The following RPS6KL1 variants were observed in gnomAD, a reference collection of about 807,000 sequenced individuals.
RPS6KL1 encodes ribosomal protein S6 kinase-like 1.
A neutral mutation model predicts 57.0 loss-of-function variants in RPS6KL1; 41 were observed. The ratio of observed to expected loss-of-function variants is 0.72; its 90% CI spans 0.56 to 0.93. The LOEUF (loss-of-function observed/expected upper bound fraction) is 0.93, where lower values mean the gene tolerates loss of function less well. RPS6KL1 is among the 40% of genes least tolerant of loss of function. The pLI is 0.00. For synonymous variants in RPS6KL1, 287 were observed against 309.7 expected, an observed-to-expected ratio of 0.93 and a Z score of 0.77; for missense variants, 697 against 727.7, an observed-to-expected ratio of 0.96 and a Z score of 0.49.
At chr14:74,911,536 A>C in intron 6 of RPS6KL1, 156 bp from the exon 7 acceptor site, 1 of 848,398 alleles carries the variant, frequency 1.2e-6, no homozygotes, top group Non-Finnish European at 1.8e-6. Flanking sequence ...GCCCCTGTAG[A>C]ATCTGGGTCC....
chr14:74,918,662 T>C, intron 4 of RPS6KL1, 57 bp from the exon 5 acceptor site: 9 of 1,355,264 alleles, frequency 6.6e-6, no homozygotes, highest in Admixed American at 6.2e-5. Context: ...TCCTTGGCCA[T>C]GGCCTTCTCA....
rs772799014 is a variant in RPS6KL1 at position 74,921,496 on chromosome 14, G to C, written c.46C>G (p.Pro16Ala). ...GACCGTGCTCGTGAGCAAGGCTCAGGCTCCAGGCCGGGGCTGGGCAGGCAC... is the reference window on the plus strand; with the variant it reads ...GACCGTGCTCGTGAGCAAGGCTCAGCCTCCAGGCCGGGGCTGGGCAGGCAC... ...CECLPSPGLE[P>A]EPCSRARSQA... Residue 16 changes from proline (P) to alanine (A), a missense_variant, in exon 3 of 12, where the codon CCT becomes GCT. Physicochemically the swap from Pro to Ala is conservative, Grantham distance 27. Coordinates refer to ENST00000557413, the MANE Select transcript of RPS6KL1 (RefSeq NM_031464.5). 30 of 1,613,956 alleles carry C rather than the reference G, an allele frequency of 1.9e-5. No individual in the cohort carries two copies. The highest frequency in any genetic ancestry group is 4.0e-5 in the African/African-American group (3 of 74,950).
In RPS6KL1 at chr14:74,909,500, C is replaced by T. The variant is rs369432035; in HGVS notation, c.1270+43G>A. The T allele has an allele frequency of 3.9e-5, 60 of 1,542,450 alleles. No homozygotes were observed. In the African/African-American group the frequency reaches 4.4e-4, roughly 11 times the overall value. On this transcript the variant is annotated intron_variant, in intron 8 of 11. Coordinates refer to ENST00000557413, the MANE Select transcript of RPS6KL1 (RefSeq NM_031464.5). ...GGGGATCTCTCGTCCTCTGCCTGGA[C>T]GCTTTGGGGGCCACCCCACTGAGGG...
rs1394077352 is a variant in RPS6KL1 at position 74,906,433 on chromosome 14, C to G, written c.*581G>C. ...GTGGGGGGGTGGGGGTGGGGGTCAT[C>G]CTGTCCCCTACCTCATCCCTCCCTG... On this transcript the variant is annotated 3_prime_UTR_variant, in exon 12 of 12. Coordinates refer to ENST00000557413, the MANE Select transcript of RPS6KL1 (RefSeq NM_031464.5). 1 of 382,986 alleles carries G rather than the reference C, an allele frequency of 2.6e-6. No individual in the cohort carries two copies. The highest frequency in any genetic ancestry group is 1.8e-5 in the South Asian group (1 of 54,072). 23.7% of individuals were successfully genotyped at this position (382,986 alleles called of 1,614,324 possible). A position where few individuals can be genotyped will look rare whatever the true frequency, so the allele number is the denominator to read the frequency against.
chr14:74,906,809 C>T lies in RPS6KL1; in HGVS notation c.*205G>A. ...CTTAGCAGGGCAAGCCTTGACTGCC[C>T]CCACCTCCAGCTTTTCCAGGAGCTG... is the stretch of plus-strand genomic sequence containing the variant. On this transcript the variant is annotated 3_prime_UTR_variant, in exon 12 of 12. Transcript: ENST00000557413. 1.4e-6 allele frequency: 1 copy of T among 711,740 alleles called. No individual in the cohort carries two copies. The highest frequency in any genetic ancestry group is 2.6e-6 in the Non-Finnish European group (1 of 386,538). The allele number at this position is 711,740 out of a possible 1,614,324, so 44.1% of individuals were successfully genotyped here.
chr14:74,921,005 T>G (rs1887737213), intron 3 of RPS6KL1, among the ~76,000 whole-genome samples: 1 of 152,240 alleles, frequency 6.6e-6, no homozygotes, highest in African/African-American at 2.4e-5. Context: ...TCCTGTGTGC[T>G]TGGAACAACA....
chr14:74,913,572 A>T (rs964178057), intron 5 of RPS6KL1, among the ~76,000 whole-genome samples: 2 of 151,820 alleles, frequency 1.3e-5, no homozygotes, highest in African/African-American at 2.4e-5. Flanking sequence ...AAAACAAAAC[A>T]ACAAAAAACA....
rs553961987 is a variant in RPS6KL1, at chr14:74,909,403, C to G, written c.1270+140G>C. ...TCCCAGGAGCCTCGGCCAACAGACT[C>G]CAGCCTAGGCCCCCTGAAAGGCTGG... is the stretch of plus-strand genomic sequence containing the variant. On this transcript the variant is annotated intron_variant, in intron 8 of 11. Coordinates refer to ENST00000557413, the MANE Select transcript of RPS6KL1 (RefSeq NM_031464.5). 5.8e-6 allele frequency: 7 copies of G among 1,209,204 alleles called. No homozygotes were observed. The African/African-American group carries it at 6.1e-5, about 11-fold the overall frequency. 74.9% of individuals were successfully genotyped at this position (1,209,204 alleles called of 1,614,324 possible).
In RPS6KL1 at chr14:74,909,581, C is replaced by T. The variant is rs957412045; in HGVS notation, c.1232G>A (p.Arg411Gln). 20 of 1,611,364 alleles carry T rather than the reference C, an allele frequency of 1.2e-5. No homozygotes were observed. The highest frequency in any genetic ancestry group is 6.7e-5 in the Admixed American group (4 of 59,862). The change falls in exon 8 of 12, where the codon CGG becomes CAG. Residue 411 changes from arginine to glutamine, a missense_variant. Physicochemically the swap from Arg to Gln is conservative, Grantham distance 43. Transcript: ENST00000557413. ...EALHEQGVLC[R>Q]DLHPGNLLLD... Reference sequence around the variant, plus strand: ...GAGCAGGTTCCCGGGGTGGAGGTCCCGGCACAGCACCCCCTGCTCGTGCAG... The same window carrying T: ...GAGCAGGTTCCCGGGGTGGAGGTCCTGGCACAGCACCCCCTGCTCGTGCAG...
rs1286336793 is a variant in RPS6KL1 at position 74,904,756 on chromosome 14, A to G, written c.*2258T>C. ...GGATTTGATAGCCTTGTGGACCAAG[A>G]TGCTCAAGGTCAATACACATGAACA... On this transcript the variant is annotated 3_prime_UTR_variant, in exon 12 of 12. Coordinates refer to ENST00000557413, the MANE Select transcript of RPS6KL1 (RefSeq NM_031464.5). 1 of 152,222 alleles carries G rather than the reference A, an allele frequency of 6.6e-6. No homozygotes were observed. Among genetic ancestry groups the G allele is most frequent in the Non-Finnish European group, 1.5e-5 (1 of 68,046 alleles). The allele number at this position is 152,222 out of a possible 1,614,324, so 9.4% of individuals were successfully genotyped here.
At position 74,906,235 on chromosome 14, in the gene RPS6KL1, C is replaced by T; in HGVS notation, c.*779G>A. Reference sequence around the variant, plus strand: ...TGCACCCCTGGGGCAGGCTGCCCCTCTTCCCCCACACAGGCCCACTGGGGA... The same window carrying T: ...TGCACCCCTGGGGCAGGCTGCCCCTTTTCCCCCACACAGGCCCACTGGGGA... On this transcript the variant is annotated 3_prime_UTR_variant, in exon 12 of 12. Coordinates refer to ENST00000557413, the MANE Select transcript of RPS6KL1 (RefSeq NM_031464.5). 3.4e-6 allele frequency: 1 copy of T among 295,890 alleles called. No individual in the cohort carries two copies. The highest frequency in any genetic ancestry group is 3.1e-5 in the South Asian group (1 of 32,518). The allele number at this position is 295,890 out of a possible 1,614,324, so 18.3% of individuals were successfully genotyped here.
chr14:74,909,872 C>T lies in RPS6KL1; in HGVS notation c.941G>A (p.Gly314Asp), dbSNP rs1885618757. 1 of 1,613,690 alleles carries T rather than the reference C, an allele frequency of 6.2e-7. No homozygotes were observed. Among genetic ancestry groups the T allele is most frequent in the Admixed American group, 1.7e-5 (1 of 59,988 alleles). ...GEPTARTSTS[G>D]SSDLPKAPGG... ...TGGGGCCTTTGGAAGGTCCGAGGAG[C>T]CAGAGGTGCTGGTCCTGGCTGTGGG... The change falls in exon 8 of 12, where the codon GGC (glycine) becomes GAC (aspartate). Residue 314 changes from glycine (G) to aspartate (D), a missense_variant. Physicochemically the swap from Gly to Asp is moderately conservative, Grantham distance 94 (BLOSUM62 -1). Coordinates refer to ENST00000557413, the MANE Select transcript of RPS6KL1 (RefSeq NM_031464.5).
chr14:74,921,248 CCCCAGCCCTG>C lies in RPS6KL1; in HGVS notation c.265+19_265+28del. ...CCCTGCACTGGCCCTTCCCCACCCA[CCCCAGCCCTG>C]CCCAGCCCCGGTCCTCACCGTGTAT... On this transcript the variant is annotated intron_variant, in intron 3 of 11. Coordinates refer to ENST00000557413, the MANE Select transcript of RPS6KL1 (RefSeq NM_031464.5). The C allele has an allele frequency of 8.5e-7, 1 of 1,176,716 alleles. No homozygotes were observed. Among genetic ancestry groups the C allele is most frequent in the Non-Finnish European group, 1.3e-6 (1 of 784,690 alleles). 72.9% of individuals were successfully genotyped at this position (1,176,716 alleles called of 1,614,324 possible).
chr14:74,920,808 A>C (rs980372303), intron 3 of RPS6KL1, among the ~76,000 whole-genome samples: 19 of 151,904 alleles, frequency 1.3e-4, no homozygotes, highest in Non-Finnish European at 4.4e-5. Flanking sequence ...CCCCACTAGA[A>C]TGCAAACTCC....
intron 3 of RPS6KL1, 114 bp downstream of exon 3, chr14:74,921,163 A>T: frequency 1.1e-6 from 1 of 912,428 alleles, no homozygotes; most frequent in Non-Finnish European, 1.7e-6. Flanking sequence ...AGGCCAGCAT[A>T]GTGCCGTGCT....
chr14:74,911,571 C>T (rs1384475176), intron 6 of RPS6KL1, 191 bp from the exon 7 acceptor site: 2 of 696,526 alleles, frequency 2.9e-6, no homozygotes, highest in African/African-American at 1.9e-5. Context: ...AAAGAGGGGG[C>T]AGTGTGTGTG....
intron 7 of RPS6KL1, chr14:74,911,047 T>G (rs1357373402): frequency 4.0e-6 from 2 of 498,810 alleles, no homozygotes; most frequent in Admixed American, 6.5e-5. Context: ...AGTTTTTGTA[T>G]TTTTAGTAGA....
intron 5 of RPS6KL1, among the ~76,000 whole-genome samples, chr14:74,913,880 T>C (rs1347400393): frequency 6.6e-6 from 1 of 152,246 alleles, no homozygotes; most frequent in East Asian, 1.9e-4. Flanking sequence ...GCACTTTACA[T>C]AGGTTGTTTA....
At chr14:74,908,573 C>T (rs1014290662) in intron 10 of RPS6KL1, among the ~76,000 whole-genome samples, 47 of 152,264 alleles carry the variant, frequency 3.1e-4, no homozygotes, top group Middle Eastern at 3.4e-3. Context: ...TGTCACATTC[C>T]GCGCTTCCTC....
Sources: gnomAD v4.1 joint callset for allele counts (sites outside exome capture counted in the v4.1 genomes callset) on GRCh38, gnomAD v4.1.1 for gene constraint, MANE v1.5 for transcripts, NCBI Gene and HGNC (gene_info 2026-07-23, HGNC 2026-07-21) for gene names.